SKI: variants seen among roughly 807,000 people sequenced by gnomAD.
The protein encoded by SKI is ski oncogene.
A neutral mutation model predicts 59.3 loss-of-function variants in SKI; 23 were observed. The ratio of observed to expected loss-of-function variants is 0.39; its 90% CI spans 0.28 to 0.55. The LOEUF is 0.55. SKI is among the 20% of genes least tolerant of loss of function. The probability of loss-of-function intolerance (pLI) is 0.67; values close to 1 mark genes in which losing one functional copy is unlikely to be tolerated. For missense variants in SKI, 1,017 were observed against 1,038.9 expected (o/e 0.98, Z 0.29); for synonymous variants, 673 against 488.6 (o/e 1.38, Z -4.98).
intron 1 of SKI, among the ~76,000 whole-genome samples, chr1:2,271,783 C>A (rs532399860): frequency 6.6e-6 from 1 of 152,250 alleles, no homozygotes; most frequent in South Asian, 2.1e-4. Flanking sequence ...AGGCCTCCCC[C>A]CAACCTCACG....
intron 6 of SKI, among the ~76,000 whole-genome samples, 161 bp from the exon 7 acceptor site, chr1:2,306,416 C>G (rs1291086738): frequency 6.6e-6 from 1 of 152,188 alleles, no homozygotes; most frequent in Non-Finnish European, 1.5e-5. Flanking sequence ...GGTTGCTGGG[C>G]CCTGCGTCTC....
chr1:2,280,332 C>A (rs1639845349), intron 1 of SKI, among the ~76,000 whole-genome samples: 1 of 151,474 alleles, frequency 6.6e-6, no homozygotes, highest in Non-Finnish European at 1.5e-5. Context: ...GCTGAGATGG[C>A]ACCACTGCAC....
rs887609448 is a variant in SKI, at chr1:2,308,884, C to G, written c.*2119C>G. The G allele has an allele frequency of 6.6e-6, 1 of 152,354 alleles. No individual in the cohort carries two copies. The highest frequency in any genetic ancestry group is 2.4e-5 in the African/African-American group (1 of 41,444). The allele number at this position is 152,354 out of a possible 1,614,324, so 9.4% of individuals were successfully genotyped here. ...GGTCACCGTTGGGTCCACGCCTCCA[C>G]CGCCCCATCTTGCCCCAAACGGAAA... On this transcript the variant is annotated 3_prime_UTR_variant, in exon 7 of 7. Transcript: ENST00000378536.
chr1:2,290,814 C>A (rs78623823), intron 1 of SKI, among the ~76,000 whole-genome samples: 1 of 152,204 alleles, frequency 6.6e-6, no homozygotes, highest in Non-Finnish European at 1.5e-5. Context: ...CCCCTCCTGC[C>A]GCTCTTACGA....
At chr1:2,243,537 G>A (rs187439132) in intron 1 of SKI, among the ~76,000 whole-genome samples, 1 of 152,350 alleles carries the variant, frequency 6.6e-6, no homozygotes, top group East Asian at 1.9e-4. Context: ...CTGTTCTTGT[G>A]CCTTGGGACG....
At chr1:2,234,639 C>G (rs909681814) in intron 1 of SKI, among the ~76,000 whole-genome samples, 2 of 152,174 alleles carry the variant, frequency 1.3e-5, no homozygotes, top group African/African-American at 4.8e-5. Flanking sequence ...GGGCCTGGGC[C>G]CTGACTGTCT....
intron 1 of SKI, among the ~76,000 whole-genome samples, chr1:2,259,592 G>C (rs746276934): frequency 1.3e-5 from 2 of 152,178 alleles, no homozygotes; most frequent in African/African-American, 2.4e-5. Flanking sequence ...TATATTTAAA[G>C]ATACAGTTAG....
intron 1 of SKI, among the ~76,000 whole-genome samples, chr1:2,290,185 G>A (rs998084649): frequency 2.6e-5 from 4 of 151,988 alleles, no homozygotes; most frequent in African/African-American, 9.7e-5. Context: ...GCAGCCCTGG[G>A]CTGCCCCCGG....
chr1:2,272,515 TCCC>T (rs1486539898), intron 1 of SKI, among the ~76,000 whole-genome samples: 1 of 151,834 alleles, frequency 6.6e-6, no homozygotes, highest in African/African-American at 2.4e-5. Flanking sequence ...GGGGCCTCCT[TCCC>T]CCACAGGCTA....
chr1:2,286,283 C>G (rs1045036494), intron 1 of SKI, among the ~76,000 whole-genome samples: 9 of 152,134 alleles, frequency 5.9e-5, no homozygotes, highest in Non-Finnish European at 1.3e-4. Flanking sequence ...GGGCAGATCA[C>G]TTGAGCCCAG....
rs941518641 is a variant in SKI at position 2,247,346 on chromosome 1, G to A, written c.969+17611G>A. 4.1e-4 allele frequency among the ~76,000 whole-genome samples: 62 copies of A among 152,246 alleles called. 1 individual carries two copies. Among genetic ancestry groups the A allele is most frequent in the African/African-American group, 1.4e-3 (60 of 41,476 alleles). Reference sequence around the variant, plus strand: ...CAGCCTGGAGCCAGGGAAGGGCAGCGAGAGGACCCCAGACTCCCAAATGAC... The same window carrying A: ...CAGCCTGGAGCCAGGGAAGGGCAGCAAGAGGACCCCAGACTCCCAAATGAC... On this transcript the variant is annotated intron_variant, in intron 1 of 6. Transcript: ENST00000378536.
At chr1:2,246,892 C>T (rs140394801) in intron 1 of SKI, among the ~76,000 whole-genome samples, 51 of 152,278 alleles carry the variant, frequency 3.3e-4, no homozygotes, top group African/African-American at 1.2e-3. Flanking sequence ...CCCACTGTGG[C>T]CAGGCTGCTT....
chr1:2,303,711 C>T lies in SKI; in HGVS notation c.1212-129C>T. 1 of 1,310,268 alleles carries T rather than the reference C, an allele frequency of 7.6e-7. No individual in the cohort carries two copies. The highest frequency in any genetic ancestry group is 2.5e-5 in the East Asian group (1 of 40,060). The allele number at this position is 1,310,268 out of a possible 1,614,324, so 81.2% of individuals were successfully genotyped here. Reference sequence around the variant, plus strand: ...TTACGGGTTCTTAGGGAACTGTAAGCTTGACTTGAAGATTCGGAGCTGGGA... The same window carrying T: ...TTACGGGTTCTTAGGGAACTGTAAGTTTGACTTGAAGATTCGGAGCTGGGA... On this transcript the variant is annotated intron_variant, in intron 3 of 6. Transcript: ENST00000378536. The surrounding 1 kb of genome is among the most constrained non-coding windows in gnomAD (Gnocchi z 5.6).
At chr1:2,290,358 G>T (rs1640134318) in intron 1 of SKI, among the ~76,000 whole-genome samples, 1 of 152,186 alleles carries the variant, frequency 6.6e-6, no homozygotes, top group Non-Finnish European at 1.5e-5. Context: ...GGGTAGGCCA[G>T]CCTTCTGTGC....
intron 1 of SKI, among the ~76,000 whole-genome samples, chr1:2,271,091 A>G (rs1216175635): frequency 6.6e-6 from 1 of 152,172 alleles, no homozygotes; most frequent in African/African-American, 2.4e-5. Flanking sequence ...GGCCCACCCC[A>G]GAACTTGGGG....
intron 1 of SKI, among the ~76,000 whole-genome samples, chr1:2,291,520 T>A (rs1221856100): frequency 1.3e-5 from 2 of 152,044 alleles, no homozygotes; most frequent in African/African-American, 4.8e-5. Flanking sequence ...CAGACCGAGG[T>A]CCCAGGAGAA....
At chr1:2,275,930 T>A (rs1248245234) in intron 1 of SKI, among the ~76,000 whole-genome samples, 1 of 151,522 alleles carries the variant, frequency 6.6e-6, no homozygotes, top group Non-Finnish European at 1.5e-5. Context: ...CTGCCCACCC[T>A]CCCTGCCCGG....
At chr1:2,255,394 C>G (rs1209817372) in intron 1 of SKI, among the ~76,000 whole-genome samples, 1 of 152,232 alleles carries the variant, frequency 6.6e-6, no homozygotes, top group African/African-American at 2.4e-5. Context: ...TGTCTTCTGA[C>G]CCCATTTCTT....
rs748787050 is a variant in SKI at position 2,303,926 on chromosome 1, C to G, written c.1298C>G (p.Pro433Arg). Residue 433 changes from proline (P) to arginine (R), a missense_variant, in exon 4 of 7, where the codon CCT (proline) becomes CGT (arginine). Pro to Arg is a moderately radical substitution (Grantham distance 103). Transcript: ENST00000378536. The surrounding 1 kb of genome is among the most constrained non-coding windows in gnomAD (Gnocchi z 5.6). ...GCCCAGCAGAAGGTTGTGAGCAGCC[C>G]TCCGTGTGCCGCCGCCGTCTCCCGG... ...PPAQQKVVSSPPCAAAVSRAP... is the reference protein window; with the variant it reads ...PPAQQKVVSSRPCAAAVSRAP... The G allele has an allele frequency of 5.6e-6, 9 of 1,611,830 alleles. 1 individual carries two copies. In the Admixed American group the frequency reaches 1.3e-4, roughly 24 times the overall value.
Sources: allele counts gnomAD v4.1 joint callset (sites outside exome capture counted in the v4.1 genomes callset), GRCh38; gene constraint gnomAD v4.1.1; non-coding constraint Gnocchi (gnomAD v3.1); transcripts MANE v1.5; gene names NCBI Gene and HGNC (gene_info 2026-07-23, HGNC 2026-07-21).